STAT3: variants seen among roughly 807,000 people sequenced by gnomAD.
STAT3 encodes DNA-binding protein APRF.
In STAT3, 7 loss-of-function variants were observed where a neutral mutation model predicts 114.3. The ratio of observed to expected loss-of-function variants is 0.06; its 90% confidence interval spans 0.03 to 0.11. The LOEUF is 0.11. Ranked by LOEUF, STAT3 falls within the 10% of genes least tolerant of loss-of-function variation. STAT3 has a pLI of 1.00. For missense variants in STAT3, 364 were observed against 960.9 expected, an observed-to-expected ratio of 0.38 and a Z score of 8.21; for synonymous variants, 331 against 354.5, an observed-to-expected ratio of 0.93 and a Z score of 0.74.
At chr17:42,368,387 T>G (rs553826492) in intron 1 of STAT3, among the ~76,000 whole-genome samples, 12 of 152,364 alleles carry the variant, frequency 7.9e-5, no homozygotes, top group Admixed American at 2.6e-4. Context: ...AATATTGATA[T>G]GCAGACACTA....
At chr17:42,379,091 T>C (rs1001203738) in intron 1 of STAT3, among the ~76,000 whole-genome samples, 5 of 152,098 alleles carry the variant, frequency 3.3e-5, no homozygotes, top group African/African-American at 1.2e-4. Flanking sequence ...GGGCTTACCT[T>C]CACTAATCCA....
In STAT3 at chr17:42,322,309, G is replaced by C. The variant is rs2081516947; in HGVS notation, c.2074C>G (p.Gln692Glu). ...CCTGGGTCAGCTTCAGGATGCTCCT[G>C]GCTCTCTGGCCGACAATACTTTCCG... Reference protein sequence around the residue: ...AFGKYCRPESQEHPEADPGSA... With the variant: ...AFGKYCRPESEEHPEADPGSA... The change falls in exon 21 of 24, where the codon CAG (glutamine) becomes GAG (glutamate). Residue 692 changes from glutamine (Q) to glutamate (E), a missense_variant. Gln to Glu is a conservative substitution (Grantham distance 29, BLOSUM62 2). This residue lies in a region of STAT3 where 21 missense variants were observed against 43.2 expected (regional missense o/e 0.49). Coordinates refer to ENST00000264657, the MANE Select transcript of STAT3 (RefSeq NM_139276.3). The C allele has an allele frequency of 6.2e-7, 1 of 1,614,090 alleles. No individual in the cohort carries two copies. Among genetic ancestry groups the C allele is most frequent in the African/African-American group, 1.3e-5 (1 of 74,928 alleles).
chr17:42,369,541 C>A (rs2083991115), intron 1 of STAT3, among the ~76,000 whole-genome samples: 1 of 152,154 alleles, frequency 6.6e-6, no homozygotes, highest in African/African-American at 2.4e-5. Flanking sequence ...AACAGCAAAT[C>A]TATTACTGCC....
At chr17:42,358,482 G>A (rs2083337475) in intron 1 of STAT3, among the ~76,000 whole-genome samples, 1 of 152,174 alleles carries the variant, frequency 6.6e-6, no homozygotes, top group Non-Finnish European at 1.5e-5. Context: ...GTCAATTACT[G>A]AGTGCACAGT....
At chr17:42,381,952 T>C (rs1395533050) in intron 1 of STAT3, among the ~76,000 whole-genome samples, 2 of 152,162 alleles carry the variant, frequency 1.3e-5, no homozygotes, top group African/African-American at 4.8e-5. Context: ...ACCCAATTAT[T>C]AACAGAAAAG....
At chr17:42,372,584 T>C (rs2084211522) in intron 1 of STAT3, among the ~76,000 whole-genome samples, 1 of 152,218 alleles carries the variant, frequency 6.6e-6, no homozygotes, top group Non-Finnish European at 1.5e-5. Flanking sequence ...AGGGGGTTTC[T>C]AGGGCAGTAA....
intron 1 of STAT3, among the ~76,000 whole-genome samples, chr17:42,374,587 G>GCAATAAGA (rs2084349485): frequency 1.6e-5 from 2 of 125,968 alleles, no homozygotes; most frequent in African/African-American, 5.9e-5. Context: ...TCCAGCCTGG[G>GCAATAAGA]CAATAAGAGT....
At chr17:42,347,621 AC>A (rs953776475) in intron 2 of STAT3, among the ~76,000 whole-genome samples, 1 of 152,066 alleles carries the variant, frequency 6.6e-6, no homozygotes, top group African/African-American at 2.4e-5. Context: ...CTGAAATGTA[AC>A]CCCCACTGTT....
chr17:42,326,339 C>T, intron 14 of STAT3, 140 bp from the exon 15 acceptor site: 2 of 726,312 alleles, frequency 2.8e-6, no homozygotes, highest in Non-Finnish European at 4.8e-6. Flanking sequence ...AAAACTCCAT[C>T]TCTGCAAAAA....
intron 1 of STAT3, among the ~76,000 whole-genome samples, chr17:42,382,643 C>CA (rs1555580633): frequency 1.3e-5 from 2 of 148,760 alleles, no homozygotes; most frequent in Non-Finnish European, 3.0e-5. Context: ...TGCGGTAATC[C>CA]TTTTTTTTTT....
chr17:42,356,071 T>G (rs1197896012), intron 1 of STAT3, among the ~76,000 whole-genome samples: 8 of 152,186 alleles, frequency 5.3e-5, no homozygotes, highest in Non-Finnish European at 1.0e-4. Context: ...TTTTATCTGC[T>G]GCCTACACTA....
intron 2 of STAT3, among the ~76,000 whole-genome samples, chr17:42,347,203 A>AAC (rs576843040): frequency 0.14 from 20,379 of 144,740 alleles, 1,943 homozygotes; most frequent in East Asian, 0.35. Context: ...AAAAAAAAAA[A>AAC]CCACAAAACA....
At chr17:42,366,702 G>A (rs1285004717) in intron 1 of STAT3, among the ~76,000 whole-genome samples, 1 of 147,404 alleles carries the variant, frequency 6.8e-6, no homozygotes, top group Non-Finnish European at 1.5e-5. Context: ...AAAGGAAGGT[G>A]AGCCTTTCTC....
intron 1 of STAT3, among the ~76,000 whole-genome samples, chr17:42,380,617 G>A (rs1195217971): frequency 6.6e-6 from 1 of 151,482 alleles, no homozygotes; most frequent in Non-Finnish European, 1.5e-5. Context: ...TTGAACTCCT[G>A]ACCTCAGGTG....
Position 42,324,824 on chromosome 17 carries a change from G to C in STAT3, c.1487C>G (p.Pro496Arg). ...NPKNVNFFTK[P>R]PIGTWDQVAE... is the part of the protein sequence containing the mutation. ...CACTTGATCCCAGGTTCCAATTGGG[G>C]GCTTGGTAAAAAAGTTTACATTCTA... The change falls in exon 17 of 24, where the codon CCC (proline) becomes CGC (arginine). Residue 496 changes from proline (P) to arginine (R), a missense_variant. Pro to Arg is a moderately radical substitution (Grantham distance 103). Transcript: ENST00000264657. This position sits in a 1 kb window ranked among gnomAD's most constrained non-coding sequence, Gnocchi z 4.5. 1.9e-6 allele frequency: 3 copies of C among 1,614,140 alleles called. No homozygotes were observed. Among genetic ancestry groups the C allele is most frequent in the Non-Finnish European group, 2.5e-6 (3 of 1,180,026 alleles).
intron 2 of STAT3, 98 bp downstream of exon 2, chr17:42,348,291 A>AT (rs1285989376): frequency 1.3e-6 from 2 of 1,561,014 alleles, no homozygotes; most frequent in Admixed American, 1.7e-5. Context: ...GTACCCATAC[A>AT]TTTTTTAATG....
chr17:42,331,455 A>G lies in STAT3; in HGVS notation c.1109+17T>C. On this transcript the variant is annotated intron_variant, in intron 11 of 23. Transcript: ENST00000264657. ...TATTCCTCATTTGAAAAACAGAGCT[A>G]AGATAGGAGTACTTACTTGTCAATG... is the stretch of plus-strand genomic sequence containing the variant. 6.2e-7 allele frequency: 1 copy of G among 1,606,076 alleles called. No homozygotes were observed. The highest frequency in any genetic ancestry group is 8.5e-7 in the Non-Finnish European group (1 of 1,173,052).
intron 1 of STAT3, among the ~76,000 whole-genome samples, chr17:42,363,653 T>C (rs1356598172): frequency 6.6e-6 from 1 of 150,444 alleles, no homozygotes; most frequent in African/African-American, 2.4e-5. Context: ...AGTCTCACCA[T>C]GTTGCCCAGG....
intron 23 of STAT3, chr17:42,316,195 G>GA (rs1007174718): frequency 8.3e-5 from 50 of 602,320 alleles, no homozygotes; most frequent in South Asian, 1.1e-4. Context: ...GGCTTAGTAT[G>GA]AAAAAAAAGA....
Sources: gnomAD v4.1 joint callset for allele counts (sites outside exome capture counted in the v4.1 genomes callset) on GRCh38, gnomAD v4.1.1 for gene constraint, gnomAD v4.1.1 regional missense constraint, Gnocchi (gnomAD v3.1) non-coding constraint, MANE v1.5 for transcripts, NCBI Gene and HGNC (gene_info 2026-07-23, HGNC 2026-07-21) for gene names.